The following PTPRD variants were observed in gnomAD, a reference collection of about 807,000 sequenced individuals.
PTPRD encodes protein tyrosine phosphatase receptor type D.
Under a neutral mutation model 214.5 loss-of-function variants are expected in PTPRD, and 34 were observed. The observed-to-expected ratio is 0.16, with a 90% CI of 0.12 to 0.21. PTPRD has a LOEUF of 0.21. PTPRD is among the 10% of genes least tolerant of loss of function. The pLI is 1.00. For synonymous variants in PTPRD, 1,128 were observed against 845.7 expected, an observed-to-expected ratio of 1.33 and a Z score of -5.79; for missense variants, 2,545 against 2,398.7, an observed-to-expected ratio of 1.06 and a Z score of -1.27.
At chr9:9,106,299 A>T (rs1435501619) in intron 10 of PTPRD, among the ~76,000 whole-genome samples, 2 of 151,996 alleles carry the variant, frequency 1.3e-5, no homozygotes, top group African/African-American at 4.8e-5. Context: ...TATAATAATA[A>T]TATCAATAAT....
chr9:9,823,102 G>T (rs1484266850), intron 5 of PTPRD, among the ~76,000 whole-genome samples: 1 of 152,022 alleles, frequency 6.6e-6, no homozygotes, highest in African/African-American at 2.4e-5. Context: ...TAAAGAAAAT[G>T]TGGTACATAT....
chr9:9,851,715 G>C (rs1020924151), intron 5 of PTPRD, among the ~76,000 whole-genome samples: 1 of 152,154 alleles, frequency 6.6e-6, no homozygotes, highest in Non-Finnish European at 1.5e-5. Context: ...AGGAGGTAAA[G>C]GCTACAGTTA....
At chr9:8,334,800 C>G (rs912328924) in intron 43 of PTPRD, among the ~76,000 whole-genome samples, 3 of 123,686 alleles carry the variant, frequency 2.4e-5, no homozygotes, top group Admixed American at 8.0e-5. Context: ...AAGACTCAAA[C>G]AGACACAATA....
At chr9:8,780,376 T>C (rs1019895057) in intron 11 of PTPRD, among the ~76,000 whole-genome samples, 1 of 150,598 alleles carries the variant, frequency 6.6e-6, no homozygotes, top group Non-Finnish European at 1.5e-5. Context: ...CAACCTGCGC[T>C]AGGCACAGCA....
chr9:9,795,516 A>C (rs2098996396), intron 5 of PTPRD, among the ~76,000 whole-genome samples: 1 of 152,226 alleles, frequency 6.6e-6, no homozygotes. Context: ...AAACAAATAA[A>C]GTATAAGCAT....
At chr9:9,724,186 A>G (rs1000996085) in intron 7 of PTPRD, among the ~76,000 whole-genome samples, 1 of 152,124 alleles carries the variant, frequency 6.6e-6, no homozygotes, top group Non-Finnish European at 1.5e-5. Flanking sequence ...TGAATTGTAC[A>G]TTTTTGGGGA....
Position 9,441,449 on chromosome 9 carries a change from T to C in PTPRD, c.-236-43967A>G, listed in dbSNP as rs375105500. Among the ~76,000 whole-genome samples, 26 of 152,276 alleles carry C rather than the reference T, an allele frequency of 1.7e-4. No individual in the cohort carries two copies. In the South Asian group the frequency reaches 5.0e-3, roughly 29 times the overall value. ...GGAAAGATAATGCTGTCTATGGAAGTGGTGGAAAGTATTTGAGTTCAGCTG... is the reference window on the plus strand; with the variant it reads ...GGAAAGATAATGCTGTCTATGGAAGCGGTGGAAAGTATTTGAGTTCAGCTG... On this transcript the variant is annotated intron_variant, in intron 8 of 45. Transcript: ENST00000381196.
chr9:9,099,353 T>C lies in PTPRD; in HGVS notation c.-142-80618A>G, dbSNP rs1472089850. Among the ~76,000 whole-genome samples, 6 of 152,342 alleles carry C rather than the reference T, an allele frequency of 3.9e-5. No homozygotes were observed. The East Asian group carries it at 1.2e-3, about 29-fold the overall frequency. ...AATGTGTCTCTCACATGTGTCAAAA[T>C]ATTACACACTAAAAATGGAATATAC... On this transcript the variant is annotated intron_variant, in intron 10 of 45. Coordinates refer to ENST00000381196, the MANE Select transcript of PTPRD (RefSeq NM_002839.4).
At chr9:8,763,599 T>A (rs951827916) in intron 11 of PTPRD, among the ~76,000 whole-genome samples, 1 of 151,460 alleles carries the variant, frequency 6.6e-6, no homozygotes, top group East Asian at 1.9e-4. Context: ...CTATAATGCA[T>A]TGCTACAAAT....
intron 12 of PTPRD, among the ~76,000 whole-genome samples, chr9:8,664,065 C>G (rs970507634): frequency 1.3e-5 from 2 of 152,120 alleles, no homozygotes; most frequent in African/African-American, 4.8e-5. Flanking sequence ...AGGATATTAA[C>G]TTTTATTTTA....
intron 4 of PTPRD, among the ~76,000 whole-genome samples, chr9:9,940,339 C>T (rs191848922): frequency 6.6e-6 from 1 of 152,206 alleles, no homozygotes; most frequent in Admixed American, 6.5e-5. Context: ...ATGGGACAAA[C>T]CTCACTGGAA....
chr9:9,918,749 G>T (rs374251623), intron 5 of PTPRD, among the ~76,000 whole-genome samples: 1 of 152,030 alleles, frequency 6.6e-6, no homozygotes, highest in East Asian at 1.9e-4. Flanking sequence ...ATTAATCCAC[G>T]TATCTATAGC....
chr9:10,198,309 C>T (rs1193791656), intron 3 of PTPRD, among the ~76,000 whole-genome samples: 1 of 152,082 alleles, frequency 6.6e-6, no homozygotes, highest in Middle Eastern at 3.2e-3. Flanking sequence ...AGTGTAGCAA[C>T]ACTGACAGGT....
intron 14 of PTPRD, among the ~76,000 whole-genome samples, chr9:8,566,719 T>C (rs1407539800): frequency 6.6e-6 from 1 of 152,124 alleles, no homozygotes; most frequent in Non-Finnish European, 1.5e-5. Context: ...AAGAATGGAG[T>C]CAAATTCATA....
intron 11 of PTPRD, among the ~76,000 whole-genome samples, chr9:8,902,627 G>A (rs1306248183): frequency 6.6e-6 from 1 of 151,956 alleles, no homozygotes; most frequent in Non-Finnish European, 1.5e-5. Context: ...TTACAGGCAT[G>A]AGCCACCACG....
chr9:10,349,617 G>C (rs1044336798), intron 2 of PTPRD, among the ~76,000 whole-genome samples: 4 of 152,186 alleles, frequency 2.6e-5, no homozygotes, highest in African/African-American at 9.6e-5. Context: ...AATTTTGACT[G>C]TGTGAATACA....
At chr9:9,409,101 G>T (rs955199399) in intron 8 of PTPRD, among the ~76,000 whole-genome samples, 1 of 151,896 alleles carries the variant, frequency 6.6e-6, no homozygotes, top group Non-Finnish European at 1.5e-5. Flanking sequence ...GACAAAGATA[G>T]ATGAGTAATA....
Position 9,789,564 on chromosome 9 carries a change from G to A in PTPRD, c.-367-22713C>T, listed in dbSNP as rs553584314. On this transcript the variant is annotated intron_variant, in intron 5 of 45. Transcript: ENST00000381196. Reference sequence around the variant, plus strand: ...TGTAATCCCAGCACTTTGGGAGGCCGAGGCGGGCGGATCAGGAGATCAGGA... The same window carrying A: ...TGTAATCCCAGCACTTTGGGAGGCCAAGGCGGGCGGATCAGGAGATCAGGA... Among the ~76,000 whole-genome samples the A allele has an allele frequency of 3.3e-5, 5 of 152,020 alleles. No individual in the cohort carries two copies. The South Asian group carries it at 6.2e-4, about 19-fold the overall frequency.
intron 5 of PTPRD, among the ~76,000 whole-genome samples, chr9:9,898,472 A>G (rs2075597763): frequency 1.4e-5 from 2 of 147,842 alleles, no homozygotes; most frequent in Non-Finnish European, 2.9e-5. Context: ...TTGACATTTT[A>G]TTTAACAGAG....
Sources: allele counts gnomAD v4.1 joint callset (sites outside exome capture counted in the v4.1 genomes callset), GRCh38; gene constraint gnomAD v4.1.1; transcripts MANE v1.5; gene names NCBI Gene and HGNC (gene_info 2026-07-23, HGNC 2026-07-21).